RALGPS1: variants seen among roughly 807,000 people sequenced by gnomAD.
The protein encoded by RALGPS1 is Ral GEF with PH domain and SH3 binding motif 1, also known as ras-specific guanine nucleotide-releasing factor RalGPS1.
A neutral mutation model predicts 78.8 loss-of-function variants in RALGPS1; 19 were observed. The ratio of observed to expected loss-of-function variants is 0.24; its 90% confidence interval spans 0.17 to 0.35. The LOEUF (loss-of-function observed/expected upper bound fraction) is 0.35, where lower values mean the gene tolerates loss of function less well. RALGPS1 is among the 10% of genes least tolerant of loss of function. RALGPS1 has a pLI of 1.00. For missense variants in RALGPS1, 454 were observed against 688.3 expected (o/e 0.66, Z 3.81); for synonymous variants, 228 against 256.3 (o/e 0.89, Z 1.06).
intron 5 of RALGPS1, among the ~76,000 whole-genome samples, chr9:127,045,512 T>C (rs183404900): frequency 3.3e-5 from 5 of 151,974 alleles, no homozygotes; most frequent in African/African-American, 1.2e-4. Context: ...TAGATGAATA[T>C]AAGAGAGTAT....
chr9:126,951,075 G>A (rs2037768852), intron 1 of RALGPS1, among the ~76,000 whole-genome samples: 1 of 152,130 alleles, frequency 6.6e-6, no homozygotes, highest in Admixed American at 6.5e-5. Context: ...TGGAAGAAAT[G>A]GATAAATTCC....
At chr9:127,039,631 G>C (rs936777842) in intron 5 of RALGPS1, among the ~76,000 whole-genome samples, 1 of 152,166 alleles carries the variant, frequency 6.6e-6, no homozygotes, top group African/African-American at 2.4e-5. Flanking sequence ...ACTTAATGAG[G>C]TAAAGTCTCA....
At chr9:127,130,141 G>C (rs988397116) in intron 8 of RALGPS1, among the ~76,000 whole-genome samples, 6 of 152,286 alleles carry the variant, frequency 3.9e-5, no homozygotes, top group Admixed American at 1.3e-4. Flanking sequence ...GCTTGGGTTT[G>C]AATTCCACCT....
At chr9:127,156,060 G>A (rs1323305945) in intron 8 of RALGPS1, among the ~76,000 whole-genome samples, 1 of 152,058 alleles carries the variant, frequency 6.6e-6, no homozygotes, top group Non-Finnish European at 1.5e-5. Context: ...TCTCTCTATT[G>A]TTACAGGCAT....
chr9:127,210,524 A>C (rs1166902211), intron 14 of RALGPS1: 9 of 601,610 alleles, frequency 1.5e-5, no homozygotes, highest in Non-Finnish European at 2.4e-5. Context: ...TGGCAGCTCC[A>C]GGTGTGCTTG....
chr9:127,011,017 G>T (rs1356854831), intron 4 of RALGPS1, among the ~76,000 whole-genome samples: 2 of 152,066 alleles, frequency 1.3e-5, no homozygotes, highest in Non-Finnish European at 2.9e-5. Flanking sequence ...GACCTCCTCT[G>T]GGGTGGAAGG....
At chr9:126,930,619 T>C (rs1038342402) in intron 1 of RALGPS1, among the ~76,000 whole-genome samples, 1 of 152,020 alleles carries the variant, frequency 6.6e-6, no homozygotes, top group South Asian at 2.1e-4. Flanking sequence ...ATTAAAAAAA[T>C]ATTTTTAGTA....
chr9:127,197,780 T>C (rs1370618509), intron 13 of RALGPS1, among the ~76,000 whole-genome samples: 2 of 152,104 alleles, frequency 1.3e-5, no homozygotes, highest in African/African-American at 4.8e-5. Flanking sequence ...GGGGAAAGGC[T>C]GGGTTGAGCA....
At chr9:127,164,066 G>GTT (rs1173545440) in intron 8 of RALGPS1, among the ~76,000 whole-genome samples, 1 of 151,608 alleles carries the variant, frequency 6.6e-6, no homozygotes, top group Non-Finnish European at 1.5e-5. Context: ...CAAATGGTTA[G>GTT]TTTTTTTTCT....
intron 8 of RALGPS1, among the ~76,000 whole-genome samples, chr9:127,099,150 CCT>C (rs1461616213): frequency 6.6e-6 from 1 of 152,196 alleles, no homozygotes; most frequent in African/African-American, 2.4e-5. Context: ...CTTTTTATCC[CCT>C]GAGTCCAGCC....
intron 13 of RALGPS1, 110 bp downstream of exon 13, chr9:127,196,741 G>A: frequency 1.5e-6 from 2 of 1,318,036 alleles, no homozygotes; most frequent in Non-Finnish European, 2.1e-6. Flanking sequence ...ATCATTCTTG[G>A]GGACCCAGTG....
intron 8 of RALGPS1, among the ~76,000 whole-genome samples, chr9:127,144,807 G>A (rs1381436538): frequency 1.3e-5 from 2 of 152,186 alleles, no homozygotes; most frequent in Admixed American, 1.3e-4. Context: ...AGTCCATAGA[G>A]CCAGAAAGTA....
At chr9:126,929,450 CT>C (rs1248775951) in intron 1 of RALGPS1, among the ~76,000 whole-genome samples, 1 of 151,990 alleles carries the variant, frequency 6.6e-6, no homozygotes, top group East Asian at 1.9e-4. Flanking sequence ...TAGAAATTTT[CT>C]TTATTTTTTT....
intron 8 of RALGPS1, among the ~76,000 whole-genome samples, chr9:127,085,788 G>T (rs1301000526): frequency 6.6e-6 from 1 of 152,144 alleles, no homozygotes; most frequent in East Asian, 1.9e-4. Flanking sequence ...GTTGGGCCTT[G>T]TTTTCCTTTG....
At chr9:126,944,616 A>G (rs1328434467) in intron 1 of RALGPS1, among the ~76,000 whole-genome samples, 2 of 152,192 alleles carry the variant, frequency 1.3e-5, no homozygotes, top group Non-Finnish European at 2.9e-5. Flanking sequence ...ATATGAGAAT[A>G]TAGAATCCTT....
chr9:127,018,720 C>T (rs2045146455), intron 4 of RALGPS1, among the ~76,000 whole-genome samples: 1 of 151,664 alleles, frequency 6.6e-6, no homozygotes, highest in African/African-American at 2.4e-5. Flanking sequence ...CAGTAACAGT[C>T]ATTTATTATC....
intron 3 of RALGPS1, among the ~76,000 whole-genome samples, chr9:126,970,263 C>T (rs1051769841): frequency 6.6e-6 from 1 of 152,096 alleles, no homozygotes; most frequent in Non-Finnish European, 1.5e-5. Context: ...TGAATATATA[C>T]CACCAACATC....
At chr9:127,087,634 A>G (rs2136287930) in intron 8 of RALGPS1, 1 of 152,510 alleles carries the variant, frequency 6.6e-6, no homozygotes, top group Non-Finnish European at 1.5e-5. Context: ...TTGGTGGCCA[A>G]CAGGACTCAG....
intron 14 of RALGPS1, among the ~76,000 whole-genome samples, chr9:127,210,932 G>T (rs1369374700): frequency 6.6e-6 from 1 of 152,234 alleles, no homozygotes; most frequent in Non-Finnish European, 1.5e-5. Context: ...CCCAGAGGAG[G>T]TGAGGGGCAC....
Sources: allele counts gnomAD v4.1 joint callset (sites outside exome capture counted in the v4.1 genomes callset), GRCh38; gene constraint gnomAD v4.1.1; transcripts MANE v1.5; gene names NCBI Gene and HGNC (gene_info 2026-07-23, HGNC 2026-07-21).